The following VWF variants were observed in gnomAD, a reference collection of about 807,000 sequenced individuals.
VWF encodes the protein von Willebrand factor.
Under a neutral mutation model 308.6 loss-of-function variants are expected in VWF, and 176 were observed. That is an observed-to-expected ratio of 0.57 (90% CI 0.50 to 0.65). The LOEUF (loss-of-function observed/expected upper bound fraction) is 0.65, where lower values mean the gene tolerates loss of function less well. Among genes scored for constraint, VWF ranks in the 30% least tolerant of loss-of-function variants. The pLI is 0.00. For missense variants in VWF, 3,146 were observed against 3,648.2 expected, an observed-to-expected ratio of 0.86 and a Z score of 3.55; for synonymous variants, 1,385 against 1,443.4, an observed-to-expected ratio of 0.96 and a Z score of 0.92.
At chr12:6,026,100 G>A (rs773370134) in intron 22 of VWF, 54 bp from the exon 23 acceptor site, 127 of 1,612,478 alleles carry the variant, frequency 7.9e-5, no homozygotes, top group Admixed American at 1.0e-4. Flanking sequence ...CATGCTCTCC[G>A]GCTCAGGGGA....
intron 6 of VWF, among the ~76,000 whole-genome samples, chr12:6,089,002 T>C (rs1387922251): frequency 6.6e-6 from 1 of 151,786 alleles, no homozygotes; most frequent in African/African-American, 2.4e-5. Flanking sequence ...CACCAGAGGG[T>C]TGGGGAAGTA....
chr12:6,089,157 G>A (rs1439085339), intron 6 of VWF, among the ~76,000 whole-genome samples: 1 of 152,154 alleles, frequency 6.6e-6, no homozygotes, highest in South Asian at 2.1e-4. Flanking sequence ...CTGAACCTGG[G>A]GGCCCTGCGG....
chr12:6,063,182 C>A lies in VWF; in HGVS notation c.1433-128G>T, dbSNP rs2239159. 293,164 of 782,256 alleles carry A rather than the reference C, an allele frequency of 0.37. 56,874 individuals carry two copies. The highest frequency in any genetic ancestry group is 0.5 in the South Asian group (33,341 of 67,328). The allele number at this position is 782,256 out of a possible 1,614,324, so 48.5% of individuals were successfully genotyped here. On this transcript the variant is annotated intron_variant, in intron 12 of 51. Transcript: ENST00000261405. The surrounding 1 kb of genome is among the most constrained non-coding windows in gnomAD (Gnocchi z 4.9). Reference sequence around the variant, plus strand: ...GCACTGAAGAGCAATGACTTAGGGGCAGATGGGGTGGCCATGAGGTTTAAG... The same window carrying A: ...GCACTGAAGAGCAATGACTTAGGGGAAGATGGGGTGGCCATGAGGTTTAAG...
At chr12:6,026,799 T>C (rs1388209796) in intron 22 of VWF, among the ~76,000 whole-genome samples, 4 of 152,192 alleles carry the variant, frequency 2.6e-5, no homozygotes, top group Admixed American at 2.6e-4. Context: ...GGTAAATGTT[T>C]GAGGGAACAG....
chr12:5,994,392 A>T, intron 36 of VWF, 23 bp downstream of exon 36: 2 of 1,613,494 alleles, frequency 1.2e-6, no homozygotes. Flanking sequence ...GGGGGAGAAG[A>T]GGAGTTGAGA....
rs749585632 is a variant in VWF at position 6,018,582 on chromosome 12, G to A, written c.4836C>T (p.Ala1612=). 40 of 1,614,046 alleles carry A rather than the reference G, an allele frequency of 2.5e-5. No homozygotes were observed. Among genetic ancestry groups the A allele is most frequent in the Non-Finnish European group, 3.2e-5 (38 of 1,180,022 alleles). Reference sequence around the variant, plus strand: ...CAGGCAGCCTCTTGATCTCATCAGAGGCAGGATTTCCGGTGACCATGTAGA... The same window carrying A: ...CAGGCAGCCTCTTGATCTCATCAGAAGCAGGATTTCCGGTGACCATGTAGA... ...NLVYMVTGNP[A]SDEIKRLPGD... Residue 1612 remains alanine (A), a synonymous_variant, in exon 28 of 52, where the codon GCC becomes GCT. Coordinates refer to ENST00000261405, the MANE Select transcript of VWF (RefSeq NM_000552.5).
chr12:6,076,705 A>G (rs973381916), intron 6 of VWF, among the ~76,000 whole-genome samples: 1 of 152,224 alleles, frequency 6.6e-6, no homozygotes, highest in Non-Finnish European at 1.5e-5. Flanking sequence ...GAAAGGGGAC[A>G]GCAAAAAAGA....
intron 16 of VWF, among the ~76,000 whole-genome samples, chr12:6,051,709 A>C (rs1299855280): frequency 1.3e-5 from 2 of 152,190 alleles, no homozygotes; most frequent in Non-Finnish European, 2.9e-5. Context: ...TCCTGGGCTC[A>C]AGCAATCTTC....
chr12:6,064,493 T>C (rs1944690536), intron 11 of VWF, 109 bp from the exon 12 acceptor site: 4 of 1,495,774 alleles, frequency 2.7e-6, no homozygotes, highest in African/African-American at 2.8e-5. Flanking sequence ...GCCTCTGGCC[T>C]TCTCATAACC....
Position 5,991,402 on chromosome 12 carries a change from A to G in VWF, c.6798+417T>C, listed in dbSNP as rs1388171683. On this transcript the variant is annotated intron_variant, in intron 38 of 51. Transcript: ENST00000261405. Reference sequence around the variant, plus strand: ...TAATACCCTGCAAAATACACCTTTGAAAAACACTAAGATAATGAATATATT... The same window carrying G: ...TAATACCCTGCAAAATACACCTTTGGAAAACACTAAGATAATGAATATATT... Among the ~76,000 whole-genome samples, 3 of 152,322 alleles carry G rather than the reference A, an allele frequency of 2.0e-5. No homozygotes were observed. In the East Asian group the frequency reaches 5.8e-4, roughly 29 times the overall value.
intron 34 of VWF, among the ~76,000 whole-genome samples, chr12:6,001,465 A>T (rs1440102323): frequency 6.6e-6 from 1 of 152,360 alleles, no homozygotes; most frequent in East Asian, 1.9e-4. Context: ...GGAGATTTTG[A>T]TATCAGACAA....
chr12:5,950,222 T>G (rs1049125112), intron 50 of VWF, among the ~76,000 whole-genome samples: 9 of 152,204 alleles, frequency 5.9e-5, no homozygotes, highest in African/African-American at 1.9e-4. Context: ...AACCCTCTTG[T>G]GCTTGTAACT....
chr12:6,052,414 A>T, intron 16 of VWF, 129 bp downstream of exon 16: 1 of 1,407,496 alleles, frequency 7.1e-7, no homozygotes, highest in South Asian at 1.2e-5. Context: ...CTTGCTGTAC[A>T]GTTCTGGACA....
At chr12:5,981,764 T>G in intron 42 of VWF, 22 bp downstream of exon 42, 2 of 1,612,098 alleles carry the variant, frequency 1.2e-6, no homozygotes, top group Non-Finnish European at 1.7e-6. Flanking sequence ...TAACTGATAG[T>G]TAATAGCCAA....
intron 28 of VWF, among the ~76,000 whole-genome samples, chr12:6,017,080 G>A (rs1485444667): frequency 6.6e-6 from 1 of 152,248 alleles, no homozygotes; most frequent in Non-Finnish European, 1.5e-5. Flanking sequence ...GACTACCTCA[G>A]ATTTAGAGAC....
intron 5 of VWF, among the ~76,000 whole-genome samples, chr12:6,103,432 G>A (rs867201866): frequency 4.3e-5 from 5 of 117,260 alleles, no homozygotes; most frequent in African/African-American, 1.0e-4. Flanking sequence ...GTATACACAC[G>A]TGTGTATATA....
intron 47 of VWF, among the ~76,000 whole-genome samples, chr12:5,963,934 GCA>G (rs1565810766): frequency 6.6e-6 from 1 of 152,184 alleles, no homozygotes; most frequent in Non-Finnish European, 1.5e-5. Flanking sequence ...GCAGCCAGGC[GCA>G]GTGGCTCACG....
intron 26 of VWF, 54 bp from the exon 27 acceptor site, chr12:6,022,089 A>G: frequency 2.5e-6 from 4 of 1,612,482 alleles, no homozygotes; most frequent in Non-Finnish European, 3.4e-6. Context: ...CCCACGAGGA[A>G]GCCTCATTTT....
chr12:6,032,897 T>TAC (rs1944286489), intron 20 of VWF, among the ~76,000 whole-genome samples: 3 of 84,826 alleles, frequency 3.5e-5, no homozygotes, highest in Admixed American at 1.0e-4. Flanking sequence ...CGCATACACA[T>TAC]ACATACACAC....
Sources: allele counts gnomAD v4.1 joint callset (sites outside exome capture counted in the v4.1 genomes callset), GRCh38; gene constraint gnomAD v4.1.1; non-coding constraint Gnocchi (gnomAD v3.1); transcripts MANE v1.5; gene names NCBI Gene and HGNC (gene_info 2026-07-23, HGNC 2026-07-21).